The following NR2F1-AS1 variants were observed in gnomAD, a reference collection of about 807,000 sequenced individuals.
The protein encoded by NR2F1-AS1 is NR2F1 antisense RNA 1.
intron 4 of NR2F1-AS1, among the ~76,000 whole-genome samples, chr5:93,537,988 C>T (rs1751873246): frequency 6.6e-6 from 1 of 152,030 alleles, no homozygotes; most frequent in South Asian, 2.1e-4. Flanking sequence ...GGTGAATTGG[C>T]ATATATACAT....
chr5:93,556,369 T>C (rs184538974), intron 2 of NR2F1-AS1, among the ~76,000 whole-genome samples: 237 of 152,342 alleles, frequency 1.6e-3, no homozygotes, highest in African/African-American at 5.0e-3. Flanking sequence ...TTTATGGACA[T>C]ACGCACATAT....
At chr5:93,511,543 A>C (rs1226777856) in intron 4 of NR2F1-AS1, among the ~76,000 whole-genome samples, 2 of 152,194 alleles carry the variant, frequency 1.3e-5, no homozygotes, top group Non-Finnish European at 2.9e-5. Flanking sequence ...GTGGTCTCAA[A>C]AGATTATATG....
chr5:93,576,678 T>C (rs1335397713), intron 1 of NR2F1-AS1, among the ~76,000 whole-genome samples: 1 of 152,334 alleles, frequency 6.6e-6, no homozygotes, highest in East Asian at 1.9e-4. Flanking sequence ...CATTAAACAC[T>C]GAAACATATT....
chr5:93,499,964 G>A (rs554382480), intron 4 of NR2F1-AS1, among the ~76,000 whole-genome samples: 29 of 152,264 alleles, frequency 1.9e-4, no homozygotes, highest in Admixed American at 7.8e-4. Flanking sequence ...GGCTAAGAGA[G>A]GTGAAGAAGC....
At chr5:93,471,330 T>C (rs1484580749) in intron 4 of NR2F1-AS1, among the ~76,000 whole-genome samples, 1 of 151,904 alleles carries the variant, frequency 6.6e-6, no homozygotes, top group Non-Finnish European at 1.5e-5. Flanking sequence ...CCAGTAATTC[T>C]ACTCCTAAGA....
intron 1 of NR2F1-AS1, among the ~76,000 whole-genome samples, chr5:93,578,960 A>G (rs1580350945): frequency 6.6e-6 from 1 of 152,238 alleles, no homozygotes; most frequent in East Asian, 1.9e-4. Context: ...GAAAGAAAGA[A>G]AGGGCTTCCC....
chr5:93,521,434 A>G (rs1223789300), intron 4 of NR2F1-AS1, among the ~76,000 whole-genome samples: 1 of 152,188 alleles, frequency 6.6e-6, no homozygotes, highest in Non-Finnish European at 1.5e-5. Flanking sequence ...CAACCTACAG[A>G]ATGGGAGAAA....
At chr5:93,415,091 G>A (rs1015439175) in intron 4 of NR2F1-AS1, among the ~76,000 whole-genome samples, 10 of 152,158 alleles carry the variant, frequency 6.6e-5, no homozygotes, top group African/African-American at 2.2e-4. Flanking sequence ...CACCAGCTTC[G>A]TTGTGTCAAG....
At chr5:93,527,988 T>A (rs2149898820) in intron 4 of NR2F1-AS1, among the ~76,000 whole-genome samples, 1 of 152,208 alleles carries the variant, frequency 6.6e-6, no homozygotes, top group East Asian at 1.9e-4. Flanking sequence ...AAAGCCAAAC[T>A]AACAAACAGG....
chr5:93,434,922 T>C (rs925585545), intron 4 of NR2F1-AS1, among the ~76,000 whole-genome samples: 3 of 152,224 alleles, frequency 2.0e-5, no homozygotes, highest in African/African-American at 7.2e-5. Context: ...GTACATGATA[T>C]TGGTTTGTCC....
intron 4 of NR2F1-AS1, among the ~76,000 whole-genome samples, chr5:93,460,200 G>A (rs1750058480): frequency 6.6e-6 from 1 of 152,094 alleles, no homozygotes; most frequent in Non-Finnish European, 1.5e-5. Flanking sequence ...ATTCTTGCAA[G>A]AGAACAGAGA....
At chr5:93,473,240 C>A (rs1052258686) in intron 4 of NR2F1-AS1, among the ~76,000 whole-genome samples, 1 of 151,826 alleles carries the variant, frequency 6.6e-6, no homozygotes, top group African/African-American at 2.4e-5. Context: ...GATAAATGCA[C>A]TAAAATCTGC....
chr5:93,436,639 C>T (rs1335512954), intron 4 of NR2F1-AS1, among the ~76,000 whole-genome samples: 3 of 152,060 alleles, frequency 2.0e-5, no homozygotes, highest in Non-Finnish European at 4.4e-5. Context: ...TAACAGAAAT[C>T]TTTTAGGTTT....
chr5:93,417,436 C>T (rs1269771755), intron 4 of NR2F1-AS1, among the ~76,000 whole-genome samples: 7 of 152,194 alleles, frequency 4.6e-5, no homozygotes, highest in Non-Finnish European at 1.0e-4. Context: ...ATAATTTGTA[C>T]TCCAGCAAAA....
intron 4 of NR2F1-AS1, among the ~76,000 whole-genome samples, chr5:93,449,769 TGACATTACTGATTA>T (rs894233875): frequency 2.6e-5 from 4 of 152,188 alleles, no homozygotes; most frequent in African/African-American, 9.6e-5. Flanking sequence ...AAAGGCCTGC[TGACATTACTGATTA>T]TTGTCTTGCA....
At chr5:93,508,671 C>T (rs950523570) in intron 4 of NR2F1-AS1, among the ~76,000 whole-genome samples, 1 of 151,188 alleles carries the variant, frequency 6.6e-6, no homozygotes, top group Non-Finnish European at 1.5e-5. Context: ...AGATAAACCA[C>T]AAAATGGTAC....
At chr5:93,585,585 C>A, upstream of NR2F1-AS1, 4 of 952,788 alleles carry the variant, frequency 4.2e-6, no homozygotes, top group Non-Finnish European at 6.4e-6. Context: ...GGCTGGGGCT[C>A]CTGTGGTCCC....
At chr5:93,417,636 C>T (rs376122241) in intron 4 of NR2F1-AS1, among the ~76,000 whole-genome samples, 6 of 152,318 alleles carry the variant, frequency 3.9e-5, no homozygotes, top group East Asian at 1.9e-4. Flanking sequence ...GATCTAACAG[C>T]GAGGCTGCCT....
At chr5:93,529,515 T>C (rs1751691212) in intron 4 of NR2F1-AS1, among the ~76,000 whole-genome samples, 1 of 152,142 alleles carries the variant, frequency 6.6e-6, no homozygotes, top group African/African-American at 2.4e-5. Context: ...CACTAGAAAG[T>C]ACCTGCAACT....
Sources: allele counts gnomAD v4.1 joint callset (sites outside exome capture counted in the v4.1 genomes callset), GRCh38; gene constraint gnomAD v4.1.1; transcripts MANE v1.5; gene names NCBI Gene and HGNC (gene_info 2026-07-23, HGNC 2026-07-21).